NALF1: variants seen among roughly 807,000 people sequenced by gnomAD.
The protein encoded by NALF1 is NALCN channel auxiliary factor 1.
A neutral mutation model predicts 48.4 loss-of-function variants in NALF1; 3 were observed. The ratio of observed to expected loss-of-function variants is 0.06; its 90% CI spans 0.03 to 0.16. The LOEUF is 0.16. Among genes scored for constraint, NALF1 ranks in the 10% least tolerant of loss-of-function variants. The pLI is 1.00. For synonymous variants in NALF1, 262 were observed against 245.7 expected, an observed-to-expected ratio of 1.07 and a Z score of -0.62; for missense variants, 526 against 571.5, an observed-to-expected ratio of 0.92 and a Z score of 0.81.
At chr13:107,741,464 A>T (rs934066060) in intron 1 of NALF1, among the ~76,000 whole-genome samples, 1 of 152,164 alleles carries the variant, frequency 6.6e-6, no homozygotes, top group Non-Finnish European at 1.5e-5. Flanking sequence ...ACTTACCTTA[A>T]CCCATTCACT....
At chr13:107,665,944 C>T (rs992182494) in intron 1 of NALF1, among the ~76,000 whole-genome samples, 2 of 152,094 alleles carry the variant, frequency 1.3e-5, no homozygotes, top group Non-Finnish European at 2.9e-5. Flanking sequence ...GTCTTTGGCA[C>T]ATTATTAACT....
chr13:107,217,531 T>A (rs769645005), intron 1 of NALF1, among the ~76,000 whole-genome samples: 7 of 152,202 alleles, frequency 4.6e-5, no homozygotes, highest in African/African-American at 1.2e-4. Flanking sequence ...TTACCAATGC[T>A]GATCTCTCTC....
At chr13:107,589,602 ATTAATT>A (rs909253731) in intron 1 of NALF1, among the ~76,000 whole-genome samples, 1 of 152,094 alleles carries the variant, frequency 6.6e-6, no homozygotes, top group Admixed American at 6.6e-5. Context: ...GCAATTAAAT[ATTAATT>A]TTATTAGATC....
chr13:107,259,343 A>C (rs1880884782), intron 1 of NALF1, among the ~76,000 whole-genome samples: 1 of 152,188 alleles, frequency 6.6e-6, no homozygotes, highest in East Asian at 1.9e-4. Flanking sequence ...GAATTCATTG[A>C]ATTTCTGCGC....
At chr13:107,692,256 C>T (rs1433133253) in intron 1 of NALF1, among the ~76,000 whole-genome samples, 3 of 152,094 alleles carry the variant, frequency 2.0e-5, no homozygotes, top group Non-Finnish European at 4.4e-5. Flanking sequence ...GAATGGGTTG[C>T]AATTAATGCC....
In NALF1 at chr13:107,754,167, T is replaced by G. The variant is rs547037282; in HGVS notation, c.915+111515A>C. On this transcript the variant is annotated intron_variant, in intron 1 of 2. Transcript: ENST00000375915. ...GAACTCTTTCATTCTGATATGACTT[T>G]CTTCCTACTTTTAAGTAAAGTTTAT... Among the ~76,000 whole-genome samples the G allele has an allele frequency of 1.5e-4, 23 of 152,334 alleles. 2 individuals carry two copies. In the Middle Eastern group the frequency reaches 0.01, roughly 68 times the overall value.
Position 107,701,823 on chromosome 13 carries a change from T to C in NALF1, c.915+163859A>G, listed in dbSNP as rs542488410. ...CATTTAACTATATATAATTATCACATAACATCATTTTGTAAGCCTCAAATA... is the reference window on the plus strand; with the variant it reads ...CATTTAACTATATATAATTATCACACAACATCATTTTGTAAGCCTCAAATA... On this transcript the variant is annotated intron_variant, in intron 1 of 2. Coordinates refer to ENST00000375915, the MANE Select transcript of NALF1 (RefSeq NM_001080396.3). Among the ~76,000 whole-genome samples the C allele has an allele frequency of 3.3e-5, 5 of 152,278 alleles. No homozygotes were observed. In the East Asian group the frequency reaches 9.7e-4, roughly 29 times the overall value.
chr13:107,783,378 G>C (rs1485957433), intron 1 of NALF1, among the ~76,000 whole-genome samples: 3 of 152,030 alleles, frequency 2.0e-5, no homozygotes, highest in African/African-American at 7.2e-5. Context: ...ACAGCTCATT[G>C]AGAACGGGCC....
rs1268803726 is a variant in NALF1, at chr13:107,692,039, G to A, written c.915+173643C>T. Among the ~76,000 whole-genome samples the A allele has an allele frequency of 2.0e-5, 3 of 152,032 alleles. No individual in the cohort carries two copies. The East Asian group carries it at 5.8e-4, about 29-fold the overall frequency. On this transcript the variant is annotated intron_variant, in intron 1 of 2. Transcript: ENST00000375915. Reference sequence around the variant, plus strand: ...ATCTCTGAATGAATGAACAAATGAAGCAAATAAAATCTTACGGACAAATGA... The same window carrying A: ...ATCTCTGAATGAATGAACAAATGAAACAAATAAAATCTTACGGACAAATGA...
chr13:107,711,558 T>G (rs1328974926), intron 1 of NALF1, among the ~76,000 whole-genome samples: 3 of 152,156 alleles, frequency 2.0e-5, no homozygotes, highest in African/African-American at 7.2e-5. Context: ...CTGGTCTTTA[T>G]AGTGTTCTCT....
intron 1 of NALF1, among the ~76,000 whole-genome samples, chr13:107,429,152 C>T (rs763473176): frequency 1.1e-4 from 16 of 151,898 alleles, no homozygotes; most frequent in Non-Finnish European, 2.1e-4. Flanking sequence ...GTGAAACCCC[C>T]CTCTCTACTG....
chr13:107,645,887 G>C (rs1880302483), intron 1 of NALF1, among the ~76,000 whole-genome samples: 1 of 151,908 alleles, frequency 6.6e-6, no homozygotes, highest in Admixed American at 6.6e-5. Context: ...TTCAATTCCA[G>C]GTTTTTGCTC....
chr13:107,480,997 T>C (rs1224865360), intron 1 of NALF1, among the ~76,000 whole-genome samples: 1 of 152,126 alleles, frequency 6.6e-6, no homozygotes, highest in African/African-American at 2.4e-5. Flanking sequence ...AAAACTTTGA[T>C]CGTTTGATAA....
chr13:107,559,039 G>A (rs536439577), intron 1 of NALF1, among the ~76,000 whole-genome samples: 14 of 152,128 alleles, frequency 9.2e-5, no homozygotes, highest in South Asian at 2.1e-4. Flanking sequence ...GGACTTCTCC[G>A]CCTCCATGAT....
chr13:107,563,372 A>T (rs934165107), intron 1 of NALF1, among the ~76,000 whole-genome samples: 16 of 152,268 alleles, frequency 1.1e-4, no homozygotes, highest in Non-Finnish European at 4.4e-5. Flanking sequence ...TACAAGAAAC[A>T]CCAGCATCAA....
chr13:107,238,212 C>CA (rs1178485689), intron 1 of NALF1, among the ~76,000 whole-genome samples: 1 of 152,172 alleles, frequency 6.6e-6, no homozygotes, highest in Admixed American at 6.5e-5. Flanking sequence ...TGGTGCAGCA[C>CA]AACCCATGGA....
intron 1 of NALF1, among the ~76,000 whole-genome samples, chr13:107,472,919 A>G (rs903835055): frequency 2.6e-5 from 4 of 152,168 alleles, no homozygotes; most frequent in Non-Finnish European, 4.4e-5. Flanking sequence ...AACCCTGACT[A>G]ATACTGGGGA....
At chr13:107,252,551 AGT>A (rs1594090319) in intron 1 of NALF1, among the ~76,000 whole-genome samples, 1 of 151,784 alleles carries the variant, frequency 6.6e-6, no homozygotes, top group East Asian at 1.9e-4. Flanking sequence ...GGAAGGAGAG[AGT>A]GAGCCCACTC....
chr13:107,422,875 T>C (rs975414310), intron 1 of NALF1, among the ~76,000 whole-genome samples: 1 of 152,168 alleles, frequency 6.6e-6, no homozygotes, highest in African/African-American at 2.4e-5. Context: ...ACAGATGCTG[T>C]TCCTGGCTGG....
Sources: allele counts gnomAD v4.1 joint callset (sites outside exome capture counted in the v4.1 genomes callset), GRCh38; gene constraint gnomAD v4.1.1; transcripts MANE v1.5; gene names NCBI Gene and HGNC (gene_info 2026-07-23, HGNC 2026-07-21).